PKD2L2: variants seen among roughly 807,000 people sequenced by gnomAD.
PKD2L2 encodes polycystin-2-like protein 2.
A neutral mutation model predicts 83.9 loss-of-function variants in PKD2L2; 67 were observed. The ratio of observed to expected loss-of-function variants is 0.80; its 90% confidence interval spans 0.66 to 0.98. The LOEUF (loss-of-function observed/expected upper bound fraction) is 0.98, where lower values mean the gene tolerates loss of function less well. Among genes scored for constraint, PKD2L2 ranks in the 50% least tolerant of loss-of-function variants. The probability of loss-of-function intolerance (pLI) is 0.00; values close to 1 mark genes in which losing one functional copy is unlikely to be tolerated. For missense variants in PKD2L2, 632 were observed against 717.2 expected, an observed-to-expected ratio of 0.88 and a Z score of 1.36; for synonymous variants, 223 against 237.8, an observed-to-expected ratio of 0.94 and a Z score of 0.57.
intron 8 of PKD2L2, among the ~76,000 whole-genome samples, chr5:137,921,295 AG>A: frequency 6.6e-6 from 1 of 150,468 alleles, no homozygotes. Context: ...TGGAAGACAG[AG>A]GTTGCAGTGA....
At chr5:137,940,808 G>A (rs1366390571) in intron 14 of PKD2L2, among the ~76,000 whole-genome samples, 3 of 152,094 alleles carry the variant, frequency 2.0e-5, no homozygotes, top group Non-Finnish European at 2.9e-5. Context: ...CAGTTTAATC[G>A]CTAGCTAAAG....
At chr5:137,921,065 A>G (rs987718980) in intron 8 of PKD2L2, among the ~76,000 whole-genome samples, 2 of 152,172 alleles carry the variant, frequency 1.3e-5, no homozygotes, top group Non-Finnish European at 2.9e-5. Context: ...TCTCAGGTTC[A>G]AATGTTATAG....
At position 137,942,491 on chromosome 5, in the gene PKD2L2, T is replaced by A. The variant is rs1483776150; in HGVS notation, c.*125T>A. ...TCCTCTTGCCTCAGCCTCCCAAGTA[T>A]CTGGGACTACACGCGAACACCACCA... On this transcript the variant is annotated 3_prime_UTR_variant, in exon 15 of 15. Transcript: ENST00000508883. The A allele has an allele frequency of 9.4e-6, 2 of 212,726 alleles. No homozygotes were observed. Among genetic ancestry groups the A allele is most frequent in the African/African-American group, 2.3e-5 (1 of 42,748 alleles). The allele number at this position is 212,726 out of a possible 1,614,324, so 13.2% of individuals were successfully genotyped here. A position where few individuals can be genotyped will look rare whatever the true frequency, so the allele number is the denominator to read the frequency against.
chr5:137,907,971 A>T, intron 7 of PKD2L2, 59 bp downstream of exon 7: 1 of 777,234 alleles, frequency 1.3e-6, no homozygotes, highest in Non-Finnish European at 1.9e-6. Flanking sequence ...ATGAAAAATT[A>T]AACTAAAAAG....
chr5:137,932,473 T>C (rs556426356), intron 12 of PKD2L2, among the ~76,000 whole-genome samples: 64 of 152,212 alleles, frequency 4.2e-4, no homozygotes, highest in African/African-American at 1.5e-3. Flanking sequence ...CTACAGTGAA[T>C]TGATTACTAC....
chr5:137,938,922 C>T (rs1281970554), intron 14 of PKD2L2: 5 of 151,710 alleles, frequency 3.3e-5, no homozygotes, highest in Admixed American at 2.0e-4. Context: ...AAAAAAGCAC[C>T]AGAAAAAAAA....
At chr5:137,907,183 C>T (rs1032631261) in intron 6 of PKD2L2, among the ~76,000 whole-genome samples, 4 of 152,214 alleles carry the variant, frequency 2.6e-5, no homozygotes, top group Non-Finnish European at 4.4e-5. Flanking sequence ...CCACCTACCT[C>T]TCTGGTAACT....
intron 14 of PKD2L2, chr5:137,940,440 A>C: frequency 1.3e-6 from 1 of 798,492 alleles, no homozygotes; most frequent in Non-Finnish European, 2.0e-6. Flanking sequence ...CTGTTACTAA[A>C]CATAAGTTCA....
At chr5:137,941,130 G>A (rs577757711) in intron 14 of PKD2L2, among the ~76,000 whole-genome samples, 1 of 152,098 alleles carries the variant, frequency 6.6e-6, no homozygotes, top group East Asian at 1.9e-4. Context: ...GGATGGTCTT[G>A]ATCTCCTGAC....
chr5:137,901,547 C>G (rs1453410562), intron 5 of PKD2L2, among the ~76,000 whole-genome samples: 1 of 152,220 alleles, frequency 6.6e-6, no homozygotes, highest in Non-Finnish European at 1.5e-5. Context: ...CTACCCTTAT[C>G]TATAAAATTG....
chr5:137,929,271 G>A (rs530966691), intron 12 of PKD2L2, among the ~76,000 whole-genome samples: 1 of 152,026 alleles, frequency 6.6e-6, no homozygotes, highest in Non-Finnish European at 1.5e-5. Flanking sequence ...AGACCAGCCT[G>A]ACAAACATGG....
rs79721199 is a variant in PKD2L2, at chr5:137,921,698, C to T, written c.1391C>T (p.Pro464Leu). ...FNFAGIQQAN[P>L]ILGPIYFITF... ...TTTGCTGGTATTCAGCAAGCCAATC[C>T]TATCTTGGGACCCATTTACTTCATC... The change falls in exon 9 of 15, where the codon CCT becomes CTT. Residue 464 changes from proline to leucine, a missense_variant. By Grantham distance (98) the Pro-to-Leu change is moderately conservative (BLOSUM62 -3). Coordinates refer to ENST00000508883, the MANE Select transcript of PKD2L2 (RefSeq NM_001300921.2). 4.2e-4 allele frequency: 674 copies of T among 1,608,360 alleles called. 2 individuals are homozygous for T. In the African/African-American group the frequency reaches 8.1e-3, roughly 19 times the overall value.
chr5:137,892,264 T>C (rs1418030457), intron 2 of PKD2L2, among the ~76,000 whole-genome samples: 1 of 152,234 alleles, frequency 6.6e-6, no homozygotes, highest in East Asian at 1.9e-4. Flanking sequence ...TATAAATGTG[T>C]ATGCATAAAG....
chr5:137,899,746 C>T lies in PKD2L2; in HGVS notation c.746+9C>T. The T allele has an allele frequency of 1.3e-6, 2 of 1,536,180 alleles. No homozygotes were observed. The highest frequency in any genetic ancestry group is 1.1e-5 in the South Asian group (1 of 86,970). The stretch of plus-strand genomic sequence containing the variant: ...CTATTTTGTATTATCAGGTGAGTGA[C>T]TCAAAACTTTTTTTCATAGACAGTG... On this transcript the variant is annotated intron_variant, in intron 5 of 14. Coordinates refer to ENST00000508883, the MANE Select transcript of PKD2L2 (RefSeq NM_001300921.2).
At chr5:137,925,696 TCA>T (rs1759323591) in intron 11 of PKD2L2, among the ~76,000 whole-genome samples, 177 bp from the exon 12 acceptor site, 1 of 152,232 alleles carries the variant, frequency 6.6e-6, no homozygotes, top group African/African-American at 2.4e-5. Flanking sequence ...AACATTTTTT[TCA>T]CAGTTAATGA....
At chr5:137,913,191 T>C (rs531133382) in intron 8 of PKD2L2, among the ~76,000 whole-genome samples, 32 of 142,674 alleles carry the variant, frequency 2.2e-4, no homozygotes, top group African/African-American at 4.9e-4. Context: ...TTTCTTTTTT[T>C]TTTTTTTTTT....
chr5:137,937,741 G>A (rs1346357095), intron 14 of PKD2L2, among the ~76,000 whole-genome samples: 5 of 152,160 alleles, frequency 3.3e-5, no homozygotes, highest in Admixed American at 2.0e-4. Context: ...TTCTCTCTGC[G>A]GCTTCTCCCT....
chr5:137,939,589 A>G (rs2150083107), intron 14 of PKD2L2: 1 of 161,572 alleles, frequency 6.2e-6, no homozygotes, highest in Admixed American at 6.1e-5. Context: ...TGGTCTACCA[A>G]CTGTTATCTT....
chr5:137,905,298 G>A (rs564359080), intron 5 of PKD2L2, among the ~76,000 whole-genome samples: 22 of 152,028 alleles, frequency 1.4e-4, no homozygotes, highest in Admixed American at 2.6e-4. Context: ...GTTTATTTTC[G>A]TTTTTGTACA....
Sources: allele counts gnomAD v4.1 joint callset (sites outside exome capture counted in the v4.1 genomes callset), GRCh38; gene constraint gnomAD v4.1.1; transcripts MANE v1.5; gene names NCBI Gene and HGNC (gene_info 2026-07-23, HGNC 2026-07-21).